Variants in FRYL observed in about 807,000 individuals in gnomAD.
The protein encoded by FRYL is protein furry homolog-like.
Under a neutral mutation model 351.2 loss-of-function variants are expected in FRYL, and 150 were observed. That is an observed-to-expected ratio of 0.43 (90% confidence interval 0.37 to 0.49). The LOEUF (loss-of-function observed/expected upper bound fraction) is 0.49. Ranked by LOEUF, FRYL falls within the 20% of genes least tolerant of loss-of-function variation. The pLI is 0.00. For missense variants in FRYL, 3,036 were observed against 3,619.3 expected, an observed-to-expected ratio of 0.84 and a Z score of 4.13; for synonymous variants, 1,153 against 1,257.1, an observed-to-expected ratio of 0.92 and a Z score of 1.75.
At chr4:48,556,535 A>C (rs540183951) in intron 35 of FRYL, among the ~76,000 whole-genome samples, 113 of 152,346 alleles carry the variant, frequency 7.4e-4, no homozygotes, top group African/African-American at 2.6e-3. Flanking sequence ...AGCTCTGCCT[A>C]GCAGAAACTA....
intron 4 of FRYL, among the ~76,000 whole-genome samples, chr4:48,628,796 T>C (rs1752392302): frequency 1.3e-5 from 2 of 152,050 alleles, no homozygotes; most frequent in Admixed American, 1.3e-4. Context: ...AGATCTGCAA[T>C]TATTATACGT....
intron 4 of FRYL, 21 bp downstream of exon 4, chr4:48,634,270 T>G (rs1156919505): frequency 1.9e-6 from 3 of 1,567,316 alleles, no homozygotes; most frequent in Non-Finnish European, 2.6e-6. Flanking sequence ...TATTTCAGAT[T>G]TATAGGTCAG....
chr4:48,558,058 T>G (rs1734533117), intron 33 of FRYL, among the ~76,000 whole-genome samples: 1 of 152,200 alleles, frequency 6.6e-6, no homozygotes, highest in Non-Finnish European at 1.5e-5. Context: ...ACCCCACTTC[T>G]GAGTATACAT....
rs748097823 is a variant in FRYL at position 48,543,867 on chromosome 4, T to C, written c.5532A>G (p.Thr1844=). The C allele has an allele frequency of 1.2e-6, 2 of 1,613,792 alleles. No homozygotes were observed. The highest frequency in any genetic ancestry group is 2.2e-5 in the East Asian group (1 of 44,862). ...RALKQPLTAT[T]LSDVLSRLVE... is the part of the protein sequence containing the mutation. ...CAAGTCTGGAGAGAACATCAGAAAG[T>C]GTAGTTGCAGTGAGAGGCTGCTTTA... Residue 1844 remains threonine, a synonymous_variant, in exon 44 of 64, where the codon ACA becomes ACG. Coordinates refer to ENST00000358350, the MANE Select transcript of FRYL (RefSeq NM_015030.2).
chr4:48,773,100 G>A (rs747377233), intron 1 of FRYL, among the ~76,000 whole-genome samples: 10 of 152,118 alleles, frequency 6.6e-5, no homozygotes, highest in African/African-American at 2.4e-4. Context: ...AATCAACAGA[G>A]ACAACTACAA....
chr4:48,695,482 C>T (rs1029046785), intron 2 of FRYL, among the ~76,000 whole-genome samples: 4 of 151,722 alleles, frequency 2.6e-5, no homozygotes, highest in Admixed American at 1.3e-4. Context: ...CATATATTTA[C>T]TGTAAATATA....
At chr4:48,651,742 T>C (rs1397198939) in intron 3 of FRYL, among the ~76,000 whole-genome samples, 1 of 152,220 alleles carries the variant, frequency 6.6e-6, no homozygotes, top group Non-Finnish European at 1.5e-5. Flanking sequence ...ACTACTATCC[T>C]TTTCTATGGT....
intron 2 of FRYL, among the ~76,000 whole-genome samples, chr4:48,706,121 C>T (rs1275888456): frequency 6.6e-6 from 1 of 152,214 alleles, no homozygotes; most frequent in Non-Finnish European, 1.5e-5. Flanking sequence ...GCATGAGCCA[C>T]TGCGCCTGGC....
At chr4:48,632,103 T>A (rs1429244449) in intron 4 of FRYL, among the ~76,000 whole-genome samples, 19 of 33,310 alleles carry the variant, frequency 5.7e-4, no homozygotes, top group African/African-American at 8.7e-4. Context: ...TATATATATA[T>A]ATATATATAT....
At chr4:48,598,471 A>C (rs934386592) in intron 13 of FRYL, among the ~76,000 whole-genome samples, 2 of 152,188 alleles carry the variant, frequency 1.3e-5, no homozygotes, top group Non-Finnish European at 2.9e-5. Context: ...CAACAACAAC[A>C]AACTATATTC....
intron 1 of FRYL, among the ~76,000 whole-genome samples, chr4:48,752,457 A>G (rs1297456768): frequency 6.6e-6 from 1 of 152,200 alleles, no homozygotes; most frequent in East Asian, 1.9e-4. Context: ...CTTTTGTGCA[A>G]TTGTAATTCT....
chr4:48,513,839 T>A (rs1577881784), intron 56 of FRYL, among the ~76,000 whole-genome samples: 1 of 152,202 alleles, frequency 6.6e-6, no homozygotes, highest in African/African-American at 2.4e-5. Context: ...AATGCTCCAT[T>A]CTATTTCAGC....
At chr4:48,721,116 T>C (rs1449907901) in intron 1 of FRYL, among the ~76,000 whole-genome samples, 1 of 152,184 alleles carries the variant, frequency 6.6e-6, no homozygotes, top group Non-Finnish European at 1.5e-5. Flanking sequence ...CATGTCACTA[T>C]CCTATTTCCA....
At chr4:48,641,312 T>C (rs1755267018) in intron 3 of FRYL, among the ~76,000 whole-genome samples, 1 of 152,140 alleles carries the variant, frequency 6.6e-6, no homozygotes, top group African/African-American at 2.4e-5. Flanking sequence ...TCAAAATTCC[T>C]CCATGTTAGT....
intron 13 of FRYL, among the ~76,000 whole-genome samples, chr4:48,600,691 T>C (rs1745518424): frequency 6.6e-6 from 1 of 152,156 alleles, no homozygotes; most frequent in Non-Finnish European, 1.5e-5. Context: ...TAAATGCATA[T>C]CTTAAAAATA....
At chr4:48,610,079 G>C (rs960369727) in intron 7 of FRYL, among the ~76,000 whole-genome samples, 1 of 152,096 alleles carries the variant, frequency 6.6e-6, no homozygotes, top group African/African-American at 2.4e-5. Context: ...AGTGGGAAAA[G>C]CAATAGTTGT....
intron 55 of FRYL, among the ~76,000 whole-genome samples, chr4:48,520,083 C>T (rs897759797): frequency 4.6e-5 from 7 of 152,144 alleles, no homozygotes; most frequent in African/African-American, 9.6e-5. Context: ...AGCAAGAGAA[C>T]GTTCTCTGAA....
chr4:48,590,224 T>C (rs1192160988), intron 17 of FRYL, among the ~76,000 whole-genome samples: 1 of 152,196 alleles, frequency 6.6e-6, no homozygotes, highest in African/African-American at 2.4e-5. Context: ...GGCTCACGTC[T>C]GTAATCCCAG....
intron 34 of FRYL, 137 bp downstream of exon 34, chr4:48,557,316 C>A: frequency 8.0e-7 from 1 of 1,249,096 alleles, no homozygotes; most frequent in Admixed American, 2.7e-5. Flanking sequence ...AAAAAAAATT[C>A]ATATCTAATG....
Sources: allele counts gnomAD v4.1 joint callset (sites outside exome capture counted in the v4.1 genomes callset), GRCh38; gene constraint gnomAD v4.1.1; transcripts MANE v1.5; gene names NCBI Gene and HGNC (gene_info 2026-07-23, HGNC 2026-07-21).